NRXN3: variants seen among roughly 807,000 people sequenced by gnomAD.
NRXN3 encodes neurexin III.
A neutral mutation model predicts 137.6 loss-of-function variants in NRXN3; 32 were observed. The observed-to-expected ratio is 0.23, with a 90% CI of 0.18 to 0.31. NRXN3 has a LOEUF of 0.31. NRXN3 is among the 10% of genes least tolerant of loss of function. The pLI is 1.00. For missense variants in NRXN3, 1,574 were observed against 2,062.5 expected (o/e 0.76, Z 4.59); for synonymous variants, 798 against 784.5 (o/e 1.02, Z -0.29).
At chr14:78,566,904 C>A (rs1336980688) in intron 4 of NRXN3, among the ~76,000 whole-genome samples, 1 of 152,166 alleles carries the variant, frequency 6.6e-6, no homozygotes, top group Non-Finnish European at 1.5e-5. Flanking sequence ...CAGTGTTTCC[C>A]TAGTGGTTTC....
chr14:78,834,933 C>G (rs1188472235), intron 10 of NRXN3, among the ~76,000 whole-genome samples: 1 of 152,002 alleles, frequency 6.6e-6, no homozygotes, highest in African/African-American at 2.4e-5. Flanking sequence ...CAGACTCTTC[C>G]CCTCCCCTTC....
intron 8 of NRXN3, among the ~76,000 whole-genome samples, chr14:78,719,029 G>A (rs968765193): frequency 2.6e-5 from 4 of 152,186 alleles, no homozygotes; most frequent in African/African-American, 9.7e-5. Context: ...TATCTTTGCT[G>A]GTATAGCCAA....
chr14:79,550,215 C>A (rs536136362), intron 16 of NRXN3, among the ~76,000 whole-genome samples: 1 of 152,030 alleles, frequency 6.6e-6, no homozygotes, highest in Non-Finnish European at 1.5e-5. Context: ...ATGATCCACC[C>A]GCCTCAGCCT....
rs796540610 is a variant in NRXN3, at chr14:79,338,196, GGT to G, written c.3263-129010_3263-129009del. Among the ~76,000 whole-genome samples the G allele has an allele frequency of 1.2e-3, 166 of 140,886 alleles. 1 individual carries two copies. The highest frequency in any genetic ancestry group is 2.9e-3 in the South Asian group (13 of 4,420). The allele number at this position is 140,886 out of a possible 152,430, so 92.4% of individuals were successfully genotyped here. A position where few individuals can be genotyped will look rare whatever the true frequency, so the allele number is the denominator to read the frequency against. On this transcript the variant is annotated intron_variant, in intron 15 of 20. Transcript: ENST00000335750. ...TTCTCCCATGAGCCCAGGCAGCCGG[GGT>G]GTGTGTGTGTGTGTATGTGAGTGTG...
At chr14:79,539,922 T>G (rs1163649246) in intron 16 of NRXN3, among the ~76,000 whole-genome samples, 1 of 152,172 alleles carries the variant, frequency 6.6e-6, no homozygotes, top group East Asian at 1.9e-4. Flanking sequence ...CTCGTCGTCT[T>G]GCTATTTTTT....
chr14:78,458,955 A>G (rs1355028920), intron 4 of NRXN3, among the ~76,000 whole-genome samples: 1 of 152,200 alleles, frequency 6.6e-6, no homozygotes, highest in East Asian at 1.9e-4. Context: ...TCCAACTCTG[A>G]GATTCGACCA....
At chr14:78,985,884 C>T (rs1191487446) in intron 14 of NRXN3, among the ~76,000 whole-genome samples, 1 of 152,156 alleles carries the variant, frequency 6.6e-6, no homozygotes, top group Non-Finnish European at 1.5e-5. Context: ...TGACCACATA[C>T]CTCCTTTCAT....
At chr14:79,695,883 C>T (rs1392546257) in intron 18 of NRXN3, among the ~76,000 whole-genome samples, 1 of 151,864 alleles carries the variant, frequency 6.6e-6, no homozygotes, top group Non-Finnish European at 1.5e-5. Context: ...GTCATTAAGG[C>T]CAGCAGATCC....
chr14:78,670,067 G>A (rs2097920713), intron 6 of NRXN3, among the ~76,000 whole-genome samples: 1 of 151,334 alleles, frequency 6.6e-6, no homozygotes, highest in South Asian at 2.1e-4. Flanking sequence ...GTGTCCATGT[G>A]TTCTCATTGT....
chr14:78,737,420 T>C (rs908426337), intron 8 of NRXN3, among the ~76,000 whole-genome samples: 1 of 152,154 alleles, frequency 6.6e-6, no homozygotes. Context: ...TAAAAATCTG[T>C]TCAGCTCATT....
At chr14:79,397,310 G>A (rs2095054095) in intron 15 of NRXN3, among the ~76,000 whole-genome samples, 1 of 152,144 alleles carries the variant, frequency 6.6e-6, no homozygotes, top group Non-Finnish European at 1.5e-5. Flanking sequence ...TCATGAAAAT[G>A]TTTGTCAGAC....
At chr14:78,192,506 T>C (rs80027077) in intron 1 of NRXN3, among the ~76,000 whole-genome samples, 33 of 152,340 alleles carry the variant, frequency 2.2e-4, no homozygotes, top group East Asian at 5.8e-4. Flanking sequence ...ATTGAGTACC[T>C]GCTGGGTTCA....
chr14:79,457,441 CCTT>C (rs1193592175), intron 15 of NRXN3, among the ~76,000 whole-genome samples: 2 of 152,138 alleles, frequency 1.3e-5, no homozygotes, highest in African/African-American at 4.8e-5. Flanking sequence ...AGTGTTGTCG[CCTT>C]CTTAATCATG....
At chr14:79,798,343 G>C (rs1451406712) in intron 19 of NRXN3, among the ~76,000 whole-genome samples, 2 of 152,118 alleles carry the variant, frequency 1.3e-5, no homozygotes, top group East Asian at 3.9e-4. Flanking sequence ...AAGCTAGATG[G>C]GTCCTCTCTC....
intron 20 of NRXN3, among the ~76,000 whole-genome samples, chr14:79,828,077 A>G (rs2099310858): frequency 6.6e-6 from 1 of 151,764 alleles, no homozygotes; most frequent in African/African-American, 2.4e-5. Flanking sequence ...TGACCCAAAC[A>G]CCTCCCACCA....
At chr14:78,499,719 G>A (rs1230056870) in intron 4 of NRXN3, among the ~76,000 whole-genome samples, 1 of 152,126 alleles carries the variant, frequency 6.6e-6, no homozygotes, top group Non-Finnish European at 1.5e-5. Context: ...CTGCCTCCAA[G>A]TTCACCTGGT....
At chr14:79,478,332 G>A (rs2096577977) in intron 16 of NRXN3, among the ~76,000 whole-genome samples, 1 of 151,944 alleles carries the variant, frequency 6.6e-6, no homozygotes, top group African/African-American at 2.4e-5. Flanking sequence ...AAACAAATGA[G>A]AGACTTCCAA....
chr14:79,131,821 A>G (rs191297120), intron 15 of NRXN3, among the ~76,000 whole-genome samples: 88 of 152,330 alleles, frequency 5.8e-4, no homozygotes, highest in African/African-American at 1.8e-3. Flanking sequence ...TGTGCTAGCA[A>G]TCAGAGAGAC....
At chr14:78,277,332 G>A (rs974118538) in intron 2 of NRXN3, among the ~76,000 whole-genome samples, 2 of 152,118 alleles carry the variant, frequency 1.3e-5, no homozygotes, top group Admixed American at 6.5e-5. Flanking sequence ...GGTGGGAGAC[G>A]CTCACCCAGC....
Sources: allele counts gnomAD v4.1 joint callset (sites outside exome capture counted in the v4.1 genomes callset), GRCh38; gene constraint gnomAD v4.1.1; transcripts MANE v1.5; gene names NCBI Gene and HGNC (gene_info 2026-07-23, HGNC 2026-07-21).